PRC1: variants seen among roughly 807,000 people sequenced by gnomAD.
PRC1 encodes anaphase spindle elongation 1 homolog.
In PRC1, 54 loss-of-function variants were observed where a neutral mutation model predicts 91.2. The observed-to-expected ratio is 0.59, with a 90% CI of 0.48 to 0.74. The LOEUF (loss-of-function observed/expected upper bound fraction) is 0.74. Ranked by LOEUF, PRC1 falls within the 30% of genes least tolerant of loss-of-function variation. PRC1 has a pLI of 0.00. For synonymous variants in PRC1, 275 were observed against 263.6 expected (o/e 1.04, Z -0.42); for missense variants, 727 against 746.2 (o/e 0.97, Z 0.30).
chr15:90,976,401 G>C (rs2038703187), intron 9 of PRC1, among the ~76,000 whole-genome samples: 2 of 150,752 alleles, frequency 1.3e-5, no homozygotes, highest in Admixed American at 1.3e-4. Flanking sequence ...GGCTGGTCTT[G>C]AACTCCTGAC....
Position 90,981,035 on chromosome 15 carries a change from T to C in PRC1, c.673-2A>G, listed in dbSNP as rs1188026701. The C allele has an allele frequency of 1.2e-6, 2 of 1,614,090 alleles. No homozygotes were observed. Among genetic ancestry groups the C allele is most frequent in the Non-Finnish European group, 1.7e-6 (2 of 1,180,018 alleles). On this transcript the variant is annotated splice_acceptor_variant, in intron 5 of 14. Transcript: ENST00000394249. LOFTEE classifies it high-confidence loss of function. ...ATTTTGTGATTTCTGCATTTCCAGC[T>C]ACAGCATAGAAAGCCAGTGTCACTC...
chr15:90,981,336 T>C, intron 5 of PRC1, 163 bp downstream of exon 5: 1 of 843,880 alleles, frequency 1.2e-6, no homozygotes. Context: ...TTTTAACTGT[T>C]AAACAAAAAT....
rs1348496991 is a variant in PRC1 at position 90,979,193 on chromosome 15, A to G, written c.1072T>C (p.Trp358Arg). Residue 358 changes from tryptophan to arginine, a missense_variant, in exon 8 of 15, where the codon TGG becomes CGG. Physicochemically the swap from Trp to Arg is moderately radical, Grantham distance 101 (BLOSUM62 -3). Coordinates refer to ENST00000394249, the MANE Select transcript of PRC1 (RefSeq NM_003981.4). ...AAGAAAAGCCTCCAGGTTTCTTCCC[A>G]CTTCTGGACACCTTCAAAGAGTTCC... ...HKELFEGVQK[W>R]EETWRLFLEF... is the part of the protein sequence containing the mutation. 3 of 1,613,936 alleles carry G rather than the reference A, an allele frequency of 1.9e-6. No individual in the cohort carries two copies. Among genetic ancestry groups the G allele is most frequent in the Admixed American group, 3.3e-5 (2 of 59,894 alleles).
At chr15:90,994,028 C>T (rs1340158074) in intron 1 of PRC1, among the ~76,000 whole-genome samples, 2 of 152,196 alleles carry the variant, frequency 1.3e-5, no homozygotes, top group Admixed American at 6.5e-5. Flanking sequence ...CGCCAAGCAG[C>T]GGCACCTGAG....
chr15:90,967,227 T>C (rs1239313152), intron 14 of PRC1, 25 bp from the exon 15 acceptor site: 2 of 1,587,936 alleles, frequency 1.3e-6, no homozygotes, highest in Non-Finnish European at 1.7e-6. Flanking sequence ...ATAACATCAG[T>C]GGCCATACTG....
intron 3 of PRC1, among the ~76,000 whole-genome samples, chr15:90,982,355 A>G (rs528891765): frequency 5.8e-4 from 89 of 152,308 alleles, no homozygotes; most frequent in Middle Eastern, 3.4e-3. Context: ...ACTCAAACAA[A>G]TAAGTCCCCA....
intron 5 of PRC1, 35 bp from the exon 6 acceptor site, chr15:90,981,068 A>AG: frequency 1.2e-6 from 2 of 1,612,436 alleles, no homozygotes; most frequent in Non-Finnish European, 1.7e-6. Flanking sequence ...CTCACGGCAA[A>AG]GCAGCAGCAC....
chr15:90,973,738 T>G (rs2038396426), intron 11 of PRC1, among the ~76,000 whole-genome samples: 1 of 152,122 alleles, frequency 6.6e-6, no homozygotes, highest in Admixed American at 6.5e-5. Context: ...GGGAGAAGCA[T>G]AAATCTGGCC....
Position 90,966,719 on chromosome 15 carries a change from T to TG in PRC1, c.*411dup. On this transcript the variant is annotated 3_prime_UTR_variant, in exon 15 of 15. Coordinates refer to ENST00000394249, the MANE Select transcript of PRC1 (RefSeq NM_003981.4). ...TGATAGCTACAGCATTAATTGAACA[T>TG]GCCTAAACAAAAAAGATGTTAATTA... is the stretch of plus-strand genomic sequence containing the variant. The TG allele has an allele frequency of 2.2e-6, 1 of 444,786 alleles. No homozygotes were observed. Among genetic ancestry groups the TG allele is most frequent in the Non-Finnish European group, 4.5e-6 (1 of 220,094 alleles). The allele number at this position is 444,786 out of a possible 1,614,324, so 27.6% of individuals were successfully genotyped here.
In PRC1 at chr15:90,974,560, A is replaced by T; in HGVS notation, c.1350+25T>A. The T allele has an allele frequency of 6.2e-7, 1 of 1,613,622 alleles. No homozygotes were observed. Among genetic ancestry groups the T allele is most frequent in the Non-Finnish European group, 8.5e-7 (1 of 1,179,894 alleles). ...CAGATTACTTTCTTCGTCTTTTCCC[A>T]ATTTGCGTTCACGTTCACACTTACT... On this transcript the variant is annotated intron_variant, in intron 10 of 14. Transcript: ENST00000394249. This position sits in a 1 kb window ranked among gnomAD's most constrained non-coding sequence, Gnocchi z 4.6.
chr15:90,986,870 A>C (rs2039614959), intron 1 of PRC1, among the ~76,000 whole-genome samples: 1 of 147,928 alleles, frequency 6.8e-6, no homozygotes, highest in Non-Finnish European at 1.5e-5. Context: ...CAACTAAAAA[A>C]TAGTTGTAAG....
chr15:90,967,117 C>A lies in PRC1; in HGVS notation c.*14G>T. 1 of 1,610,226 alleles carries A rather than the reference C, an allele frequency of 6.2e-7. No homozygotes were observed. The highest frequency in any genetic ancestry group is 1.1e-5 in the South Asian group (1 of 90,998). ...GGCACAGGAAGCCACAGCTGGTTGA[C>A]TGATCAGGGCTTCTCAGGACTGGAT... On this transcript the variant is annotated 3_prime_UTR_variant, in exon 15 of 15. Coordinates refer to ENST00000394249, the MANE Select transcript of PRC1 (RefSeq NM_003981.4).
At chr15:90,967,292 C>T in intron 14 of PRC1, 90 bp from the exon 15 acceptor site, 1 of 1,082,764 alleles carries the variant, frequency 9.2e-7, no homozygotes, top group South Asian at 1.3e-5. Flanking sequence ...AGCAAAAGGT[C>T]CCTTGAAGGT....
Position 90,967,060 on chromosome 15 carries a change from A to C in PRC1, c.*71T>G. 7.1e-7 allele frequency: 1 copy of C among 1,402,944 alleles called. No individual in the cohort carries two copies. Among genetic ancestry groups the C allele is most frequent in the Non-Finnish European group, 1.0e-6 (1 of 994,506 alleles). The allele number at this position is 1,402,944 out of a possible 1,614,324, so 86.9% of individuals were successfully genotyped here. ...AGCACGCCTAAGCTGAAGAAAAACT[A>C]AAGTCACCCCCATATAATTAGGTCC... On this transcript the variant is annotated 3_prime_UTR_variant, in exon 15 of 15. Coordinates refer to ENST00000394249, the MANE Select transcript of PRC1 (RefSeq NM_003981.4).
chr15:90,980,179 C>G, intron 7 of PRC1, 63 bp downstream of exon 7: 2 of 1,474,426 alleles, frequency 1.4e-6, no homozygotes, highest in Non-Finnish European at 1.8e-6. Flanking sequence ...TGAGACTAGG[C>G]TGGGCAACAG....
At position 90,967,209 on chromosome 15, in the gene PRC1, A is replaced by G. The variant is rs760295987; in HGVS notation, c.1792-7T>C. ...AAGCCTTTGAAAGTTCTCGCTGTTG[A>G]AAAATAAATAACATCAGTGGCCATA... On this transcript the variant is annotated splice_polypyrimidine_tract_variant and splice_region_variant and intron_variant, in intron 14 of 14. Coordinates refer to ENST00000394249, the MANE Select transcript of PRC1 (RefSeq NM_003981.4). The G allele has an allele frequency of 6.2e-7, 1 of 1,611,796 alleles. No individual in the cohort carries two copies. The highest frequency in any genetic ancestry group is 1.3e-5 in the African/African-American group (1 of 74,998).
intron 7 of PRC1, 70 bp downstream of exon 7, chr15:90,980,172 G>T (rs1596310025): frequency 1.4e-6 from 2 of 1,465,320 alleles, no homozygotes; most frequent in South Asian, 3.1e-5. Flanking sequence ...AGGAACTTGA[G>T]ACTAGGCTGG....
chr15:90,969,499 A>AG lies in PRC1; in HGVS notation c.1696dup (p.Leu566ProfsTer8). ...AGAATTAATGCTGAAGTTGCGCTGGAGGGGGGCCGAGCCAGGGTACCCACC... is the reference window on the plus strand; with the variant it reads ...AGAATTAATGCTGAAGTTGCGCTGGAGGGGGGGCCGAGCCAGGGTACCCACC... On this transcript the variant is annotated frameshift_variant, in exon 13 of 15. Transcript: ENST00000394249. LOFTEE classifies it high-confidence loss of function. 1.2e-6 allele frequency: 2 copies of AG among 1,612,466 alleles called. No individual in the cohort carries two copies. The highest frequency in any genetic ancestry group is 1.7e-6 in the Non-Finnish European group (2 of 1,179,152).
intron 8 of PRC1, among the ~76,000 whole-genome samples, chr15:90,978,753 CAAAAAAAAA>C (rs869065052): frequency 5.0e-5 from 2 of 39,706 alleles, no homozygotes; most frequent in African/African-American, 2.0e-4. Context: ...AACTCCACCT[CAAAAAAAAA>C]AAAAAAAAAA....
Sources: allele counts gnomAD v4.1 joint callset (sites outside exome capture counted in the v4.1 genomes callset), GRCh38; gene constraint gnomAD v4.1.1; non-coding constraint Gnocchi (gnomAD v3.1); transcripts MANE v1.5; gene names NCBI Gene and HGNC (gene_info 2026-07-23, HGNC 2026-07-21).